Variants in STRN3 observed in about 807,000 individuals in gnomAD.
STRN3 encodes the protein striatin-3.
Under a neutral mutation model 95.6 loss-of-function variants are expected in STRN3, and 29 were observed. That is an observed-to-expected ratio of 0.30 (90% CI 0.23 to 0.41). The LOEUF (loss-of-function observed/expected upper bound fraction) is 0.41, where lower values mean the gene tolerates loss of function less well. Among genes scored for constraint, STRN3 ranks in the 10% least tolerant of loss-of-function variants. The pLI, the probability that STRN3 is intolerant of heterozygous loss-of-function variation, is 1.00. For synonymous variants in STRN3, 331 were observed against 357.6 expected (o/e 0.93, Z 0.84); for missense variants, 890 against 972.1 (o/e 0.92, Z 1.12).
At chr14:30,947,407 C>T in intron 4 of STRN3, 144 bp from the exon 5 acceptor site, 1 of 612,432 alleles carries the variant, frequency 1.6e-6, no homozygotes, top group East Asian at 3.1e-5. Flanking sequence ...AGACTAGTTC[C>T]AGTTCTAAGA....
At chr14:30,975,666 A>C (rs1881065144) in intron 1 of STRN3, among the ~76,000 whole-genome samples, 1 of 152,060 alleles carries the variant, frequency 6.6e-6, no homozygotes, top group Admixed American at 6.6e-5. Context: ...CATGTCTACA[A>C]AACTTTTATT....
chr14:30,944,513 T>C (rs1184862265), intron 5 of STRN3, among the ~76,000 whole-genome samples: 1 of 147,466 alleles, frequency 6.8e-6, no homozygotes, highest in Non-Finnish European at 1.5e-5. Context: ...CATGTATATA[T>C]ACATAATATA....
chr14:30,999,527 C>G (rs1308968047), intron 1 of STRN3, among the ~76,000 whole-genome samples: 1 of 152,084 alleles, frequency 6.6e-6, no homozygotes, highest in East Asian at 1.9e-4. Flanking sequence ...AGTACAGAAA[C>G]TGAAATGAAA....
At chr14:30,902,171 C>CAAAAAAAAAAA (rs71112350) in intron 16 of STRN3, among the ~76,000 whole-genome samples, 5 of 39,850 alleles carry the variant, frequency 1.3e-4, no homozygotes, top group Admixed American at 5.0e-4. Flanking sequence ...AACTCCGCCT[C>CAAAAAAAAAAA]AAAAAAAAAA....
At chr14:30,944,521 A>ATATACGTG (rs1879252331) in intron 5 of STRN3, among the ~76,000 whole-genome samples, 1 of 144,748 alleles carries the variant, frequency 6.9e-6, no homozygotes, top group Non-Finnish European at 1.5e-5. Flanking sequence ...TATACATAAT[A>ATATACGTG]TATACACATA....
At chr14:30,969,815 C>A (rs543987729) in intron 1 of STRN3, among the ~76,000 whole-genome samples, 65 of 152,176 alleles carry the variant, frequency 4.3e-4, no homozygotes, top group Non-Finnish European at 7.6e-4. Context: ...ACAGGTACAA[C>A]CCCTAGAATT....
intron 1 of STRN3, among the ~76,000 whole-genome samples, chr14:31,020,782 T>C (rs1883467172): frequency 1.3e-5 from 2 of 152,272 alleles, no homozygotes; most frequent in Admixed American, 6.5e-5. Context: ...AGTCCATGTC[T>C]GTAGTCCCAC....
chr14:30,964,848 G>A (rs952369522), intron 1 of STRN3, among the ~76,000 whole-genome samples: 6 of 151,966 alleles, frequency 3.9e-5, no homozygotes, highest in African/African-American at 1.5e-4. Context: ...TGAACTCGGA[G>A]GTGAAGGTTG....
intron 1 of STRN3, among the ~76,000 whole-genome samples, chr14:31,004,044 G>A (rs1882601191): frequency 6.6e-6 from 1 of 151,994 alleles, no homozygotes; most frequent in African/African-American, 2.4e-5. Flanking sequence ...AGCACTTTGG[G>A]AGGCCAAGGC....
intron 13 of STRN3, among the ~76,000 whole-genome samples, chr14:30,910,489 A>C (rs759341161): frequency 6.6e-6 from 1 of 152,136 alleles, no homozygotes; most frequent in Non-Finnish European, 1.5e-5. Context: ...GCCCTTACAA[A>C]TATATTTGAA....
At chr14:30,978,093 A>G (rs553319024) in intron 1 of STRN3, among the ~76,000 whole-genome samples, 1 of 152,360 alleles carries the variant, frequency 6.6e-6, no homozygotes, top group South Asian at 2.1e-4. Flanking sequence ...TGAGAATGAA[A>G]TACCAATTCT....
At chr14:30,961,709 A>C (rs1260718415) in intron 1 of STRN3, among the ~76,000 whole-genome samples, 2 of 152,204 alleles carry the variant, frequency 1.3e-5, no homozygotes, top group Non-Finnish European at 2.9e-5. Context: ...GTACCCTCTA[A>C]GTCCTGGGCT....
chr14:30,947,853 A>T (rs932231290), intron 4 of STRN3, among the ~76,000 whole-genome samples: 2 of 152,194 alleles, frequency 1.3e-5, no homozygotes, highest in Non-Finnish European at 2.9e-5. Context: ...GAGACTGGAA[A>T]AGAAGAAAGG....
At chr14:30,986,231 A>AAAC (rs1881685251) in intron 1 of STRN3, among the ~76,000 whole-genome samples, 1 of 152,172 alleles carries the variant, frequency 6.6e-6, no homozygotes, top group Non-Finnish European at 1.5e-5. Flanking sequence ...GAGAACAACC[A>AAAC]AAGCAGATCC....
intron 1 of STRN3, among the ~76,000 whole-genome samples, chr14:31,020,852 G>A (rs1883472198): frequency 6.6e-6 from 1 of 152,038 alleles, no homozygotes; most frequent in Non-Finnish European, 1.5e-5. Flanking sequence ...GCTACAGTAA[G>A]CCATGTTGGC....
intron 5 of STRN3, among the ~76,000 whole-genome samples, chr14:30,939,209 T>C (rs1256065702): frequency 6.6e-6 from 1 of 152,170 alleles, no homozygotes; most frequent in Admixed American, 6.5e-5. Context: ...CAGAAGACTG[T>C]CTCTATCTTA....
chr14:30,903,935 T>C (rs569071682), intron 15 of STRN3, among the ~76,000 whole-genome samples: 2 of 152,290 alleles, frequency 1.3e-5, no homozygotes, highest in South Asian at 4.1e-4. Flanking sequence ...CTGTGTACAC[T>C]GTGGGGTAAA....
At chr14:30,909,139 G>A (rs887547181) in intron 13 of STRN3, among the ~76,000 whole-genome samples, 4 of 152,208 alleles carry the variant, frequency 2.6e-5, no homozygotes, top group African/African-American at 9.7e-5. Context: ...TCTGAAATTA[G>A]TGATGATGGC....
intron 1 of STRN3, among the ~76,000 whole-genome samples, chr14:31,023,023 TG>T (rs747517850): frequency 5.9e-5 from 9 of 152,174 alleles, no homozygotes; most frequent in Non-Finnish European, 1.3e-4. Flanking sequence ...AAAGCTGGTC[TG>T]GAATAGTAAT....
Sources: allele counts gnomAD v4.1 joint callset (sites outside exome capture counted in the v4.1 genomes callset), GRCh38; gene constraint gnomAD v4.1.1; transcripts MANE v1.5; gene names NCBI Gene and HGNC (gene_info 2026-07-23, HGNC 2026-07-21).